PLEKHA7: variants seen among roughly 807,000 people sequenced by gnomAD.
PLEKHA7 encodes the protein pleckstrin homology domain-containing family A member 7.
A neutral mutation model predicts 170.0 loss-of-function variants in PLEKHA7; 104 were observed. That is an observed-to-expected ratio of 0.61 (90% CI 0.52 to 0.72). The LOEUF is 0.72. Ranked by LOEUF, PLEKHA7 falls within the 30% of genes least tolerant of loss-of-function variation. The pLI is 0.00. For synonymous variants in PLEKHA7, 648 were observed against 660.8 expected, an observed-to-expected ratio of 0.98 and a Z score of 0.30; for missense variants, 1,615 against 1,671.7, an observed-to-expected ratio of 0.97 and a Z score of 0.59.
intron 19 of PLEKHA7, among the ~76,000 whole-genome samples, chr11:16,792,154 CCA>C (rs10577416): frequency 0.078 from 11,887 of 152,156 alleles, 586 homozygotes; most frequent in Non-Finnish European, 0.1. Flanking sequence ...CTCTGAGGAT[CCA>C]CAGTTTCCAA....
chr11:16,852,193 G>T (rs918146946), intron 7 of PLEKHA7, 90 bp downstream of exon 7: 1 of 1,104,212 alleles, frequency 9.1e-7, no homozygotes. Flanking sequence ...TGAACTTCCT[G>T]TGTTAGGACT....
chr11:16,860,818 C>T (rs1853886532), intron 4 of PLEKHA7, among the ~76,000 whole-genome samples: 1 of 152,114 alleles, frequency 6.6e-6, no homozygotes. Flanking sequence ...AGCAAGAGCC[C>T]AGAATAACTG....
intron 3 of PLEKHA7, among the ~76,000 whole-genome samples, chr11:16,990,287 A>ACAAAAAAC (rs1554992436): frequency 1.8e-5 from 2 of 111,246 alleles, no homozygotes; most frequent in African/African-American, 3.6e-5. Flanking sequence ...AAAAAAAAAA[A>ACAAAAAAC]AAAAAAAAAA....
intron 13 of PLEKHA7, among the ~76,000 whole-genome samples, chr11:16,805,653 A>G (rs561302506): frequency 5.9e-5 from 9 of 152,000 alleles, no homozygotes; most frequent in African/African-American, 2.2e-4. Flanking sequence ...AGCCAGGCAC[A>G]GTGCCGCGCA....
intron 9 of PLEKHA7, among the ~76,000 whole-genome samples, chr11:16,831,796 G>C (rs1289081328): frequency 6.6e-6 from 1 of 152,144 alleles, no homozygotes; most frequent in East Asian, 1.9e-4. Context: ...AGGATTAATG[G>C]TGCACAGAAA....
At chr11:16,927,649 G>A (rs1859658192) in intron 3 of PLEKHA7, among the ~76,000 whole-genome samples, 1 of 152,242 alleles carries the variant, frequency 6.6e-6, no homozygotes, top group Non-Finnish European at 1.5e-5. Context: ...AAGACACTTT[G>A]AAGGAAGCAT....
At chr11:16,783,503 T>C (rs555544393) in intron 25 of PLEKHA7, among the ~76,000 whole-genome samples, 197 bp downstream of exon 25, 205 of 152,356 alleles carry the variant, frequency 1.3e-3, no homozygotes, top group African/African-American at 4.3e-3. Flanking sequence ...GTTGCAGGTC[T>C]TTCCAGATGA....
At chr11:16,810,090 G>A (rs770012329) in intron 13 of PLEKHA7, among the ~76,000 whole-genome samples, 2 of 152,230 alleles carry the variant, frequency 1.3e-5, no homozygotes, top group African/African-American at 2.4e-5. Context: ...TGACACACAC[G>A]GAAAGTAGAA....
chr11:16,850,806 A>G (rs1325711916), intron 8 of PLEKHA7, among the ~76,000 whole-genome samples: 1 of 152,238 alleles, frequency 6.6e-6, no homozygotes, highest in Non-Finnish European at 1.5e-5. Context: ...CTAACCTTCA[A>G]TGTGAGTTTT....
In PLEKHA7 at chr11:16,787,090, C is replaced by T. The variant is rs186611205; in HGVS notation, c.3358-703G>A. 2.4e-3 allele frequency: 2,360 copies of T among 985,420 alleles called. 16 individuals carry two copies. The highest frequency in any genetic ancestry group is 2.2e-3 in the Non-Finnish European group (1,847 of 829,924). 61.0% of individuals were successfully genotyped at this position (985,420 alleles called of 1,614,324 possible). A position where few individuals can be genotyped will look rare whatever the true frequency, so the allele number is the denominator to read the frequency against. ...ACAGTATCAACTTTGTAACAAGCTT[C>T]CCAAGAGGGAAAATCTAACCGATAA... On this transcript the variant is annotated intron_variant, in intron 23 of 26. Transcript: ENST00000531066.
chr11:17,007,044 G>A (rs1192997804), intron 3 of PLEKHA7, among the ~76,000 whole-genome samples: 1 of 152,182 alleles, frequency 6.6e-6, no homozygotes, highest in Admixed American at 6.5e-5. Flanking sequence ...CCCTGCCTCG[G>A]AGGACCAGGT....
chr11:16,850,319 T>C (rs1565010288), intron 8 of PLEKHA7, among the ~76,000 whole-genome samples: 1 of 152,212 alleles, frequency 6.6e-6, no homozygotes, highest in Non-Finnish European at 1.5e-5. Flanking sequence ...CGACATTGCC[T>C]CATATCTTAA....
At chr11:16,987,986 T>C (rs893158968) in intron 3 of PLEKHA7, among the ~76,000 whole-genome samples, 2 of 152,196 alleles carry the variant, frequency 1.3e-5, no homozygotes, top group Non-Finnish European at 2.9e-5. Flanking sequence ...TCTCAGACAG[T>C]GTGTGGAAGG....
rs1157726811 is a variant in PLEKHA7, at chr11:16,954,396, T to C, written c.221+59593A>G. On this transcript the variant is annotated intron_variant, in intron 3 of 26. Coordinates refer to ENST00000531066, the MANE Select transcript of PLEKHA7 (RefSeq NM_001329630.2). ...AACAAAAATTTAAATTAGCCATGTG[T>C]GGTAGTGCACACCTATAGTCTCAGT... Among the ~76,000 whole-genome samples the C allele has an allele frequency of 1.4e-4, 21 of 152,036 alleles. No individual in the cohort carries two copies. The South Asian group carries it at 3.1e-3, about 23-fold the overall frequency.
At chr11:17,006,043 G>T (rs957201880) in intron 3 of PLEKHA7, among the ~76,000 whole-genome samples, 3 of 152,100 alleles carry the variant, frequency 2.0e-5, no homozygotes, top group Non-Finnish European at 2.9e-5. Context: ...AAAGTTTCTG[G>T]GACTGCTGTT....
At chr11:16,924,273 A>G (rs6486323) in intron 3 of PLEKHA7, among the ~76,000 whole-genome samples, 138,158 of 152,220 alleles carry the variant, frequency 0.91, 63,208 homozygotes, top group Middle Eastern at 0.97. Flanking sequence ...CTCCCCTCCT[A>G]CTGAGGGGCC....
At chr11:16,834,998 G>A (rs375824849) in intron 9 of PLEKHA7, among the ~76,000 whole-genome samples, 7 of 152,314 alleles carry the variant, frequency 4.6e-5, no homozygotes, top group African/African-American at 1.4e-4. Context: ...GGCTAGGCGC[G>A]GTGGCTCATG....
At chr11:16,858,893 G>A (rs11024059) in intron 4 of PLEKHA7, among the ~76,000 whole-genome samples, 25,113 of 152,036 alleles carry the variant, frequency 0.17, 2,585 homozygotes, top group Non-Finnish European at 0.24. Flanking sequence ...CTAACTCCAC[G>A]TCTCCTCCCC....
intron 3 of PLEKHA7, among the ~76,000 whole-genome samples, chr11:17,003,061 C>T (rs569199845): frequency 6.8e-5 from 9 of 133,100 alleles, no homozygotes; most frequent in Admixed American, 5.3e-4. Context: ...GGCGCAATTT[C>T]GGCTCACTGC....
Sources: allele counts gnomAD v4.1 joint callset (sites outside exome capture counted in the v4.1 genomes callset), GRCh38; gene constraint gnomAD v4.1.1; transcripts MANE v1.5; gene names NCBI Gene and HGNC (gene_info 2026-07-23, HGNC 2026-07-21).